LRP5: variants seen among roughly 807,000 people sequenced by gnomAD.
LRP5 encodes the protein LDL receptor related protein 5, also known as low-density lipoprotein receptor-related protein 5.
In LRP5, 62 loss-of-function variants were observed where a neutral mutation model predicts 154.1. The observed-to-expected ratio is 0.40, with a 90% CI of 0.33 to 0.50. The LOEUF (loss-of-function observed/expected upper bound fraction) is 0.50, where lower values mean the gene tolerates loss of function less well. LRP5 is among the 20% of genes least tolerant of loss of function. The pLI is 0.55. For missense variants in LRP5, 1,915 were observed against 2,336.7 expected (o/e 0.82, Z 3.72); for synonymous variants, 966 against 1,011.5 (o/e 0.96, Z 0.85).
intron 2 of LRP5, among the ~76,000 whole-genome samples, chr11:68,355,928 C>T (rs949479646): frequency 1.3e-5 from 2 of 152,072 alleles, no homozygotes; most frequent in Non-Finnish European, 2.9e-5. Context: ...CAAGCTCCGC[C>T]TCCCGGGTTC....
At chr11:68,344,021 T>C (rs931249613) in intron 1 of LRP5, among the ~76,000 whole-genome samples, 2 of 151,992 alleles carry the variant, frequency 1.3e-5, no homozygotes, top group Admixed American at 1.3e-4. Context: ...TCAGCTGGTG[T>C]TCCAGAGCAG....
At chr11:68,382,245 G>GT (rs1241141326) in intron 5 of LRP5, among the ~76,000 whole-genome samples, 2 of 152,206 alleles carry the variant, frequency 1.3e-5, no homozygotes, top group African/African-American at 4.8e-5. Flanking sequence ...CCGAGAATAG[G>GT]TTCCTCATGG....
chr11:68,308,367 T>C (rs2098585242), upstream of LRP5, among the ~76,000 whole-genome samples: 1 of 152,178 alleles, frequency 6.6e-6, no homozygotes, highest in Non-Finnish European at 1.5e-5. Flanking sequence ...GACATCCTCA[T>C]GGGCCCCTGT....
At position 68,404,952 on chromosome 11, in the gene LRP5, G is replaced by C. The variant is rs955125147; in HGVS notation, c.1801+1253G>C. ...GCCACTGCAGTCCGCAGTCCGGCCT[G>C]GGCGACAGAGCGAGACTCCGTCTCA... On this transcript the variant is annotated intron_variant, in intron 8 of 22. Coordinates refer to ENST00000294304, the MANE Select transcript of LRP5 (RefSeq NM_002335.4). 3.5e-4 allele frequency among the ~76,000 whole-genome samples: 53 copies of C among 149,544 alleles called. 1 individual carries two copies. The highest frequency in any genetic ancestry group is 2.4e-3 in the East Asian group (12 of 5,106).
chr11:68,320,508 T>G (rs1205041575), intron 1 of LRP5, among the ~76,000 whole-genome samples: 1 of 150,680 alleles, frequency 6.6e-6, no homozygotes, highest in Non-Finnish European at 1.5e-5. Context: ...CAGGCTGGAG[T>G]GCAGTGGCGC....
chr11:68,381,848 G>T (rs115407568), intron 5 of LRP5, among the ~76,000 whole-genome samples: 1,997 of 152,286 alleles, frequency 0.013, 38 homozygotes, highest in African/African-American at 0.045. Flanking sequence ...CGTGGCCATG[G>T]CTGCTGCCCG....
rs114263115 is a variant in LRP5, at chr11:68,406,438, G to A, written c.1802-86G>A. The A allele has an allele frequency of 1.9e-3, 2,615 of 1,400,718 alleles. 37 individuals carry two copies. The African/African-American group carries it at 0.03, about 16-fold the overall frequency. 86.8% of individuals were successfully genotyped at this position (1,400,718 alleles called of 1,614,324 possible). ...GGCACCCCTGAGCTGTGTGGCTCAC[G>A]GCAGCATTCATTGTGTGGCTTGGCC... On this transcript the variant is annotated intron_variant, in intron 8 of 22. Transcript: ENST00000294304.
intron 1 of LRP5, among the ~76,000 whole-genome samples, chr11:68,313,970 C>T (rs2098590967): frequency 6.6e-6 from 1 of 152,192 alleles, no homozygotes; most frequent in African/African-American, 2.4e-5. Context: ...TGTTTCACGT[C>T]CTCCTGCCTC....
Position 68,409,774 on chromosome 11 carries a change from C to T in LRP5, c.2092-140C>T. The T allele has an allele frequency of 6.9e-6, 5 of 729,552 alleles. No homozygotes were observed. In the Admixed American group the frequency reaches 1.0e-4, roughly 15 times the overall value. The allele number at this position is 729,552 out of a possible 1,614,324, so 45.2% of individuals were successfully genotyped here. A position where few individuals can be genotyped will look rare whatever the true frequency, so the allele number is the denominator to read the frequency against. ...CTAAGGCTGGAGAATCGCTTGAACC[C>T]AGGGGGCAGAGGTTGCAGTGAGCCG... is the stretch of plus-strand genomic sequence containing the variant. On this transcript the variant is annotated intron_variant, in intron 9 of 22. Coordinates refer to ENST00000294304, the MANE Select transcript of LRP5 (RefSeq NM_002335.4).
intron 1 of LRP5, among the ~76,000 whole-genome samples, chr11:68,339,638 A>G (rs192909105): frequency 7.9e-5 from 12 of 152,124 alleles, no homozygotes; most frequent in East Asian, 3.9e-4. Context: ...GAGCCACCAT[A>G]CCTGGCCATA....
rs724159825 is a variant in LRP5 at position 68,426,018 on chromosome 11, G to C, written c.3468G>C (p.Gln1156His). 6 of 1,613,052 alleles carry C rather than the reference G, an allele frequency of 3.7e-6. No homozygotes were observed. Among genetic ancestry groups the C allele is most frequent in the Non-Finnish European group, 5.1e-6 (6 of 1,180,034 alleles). Residue 1156 changes from glutamine to histidine, a missense_variant, in exon 16 of 23, where the codon CAG becomes CAC. Physicochemically the swap from Gln to His is conservative, Grantham distance 24. Around this residue, in one of 3 missense-constraint regions of LRP5, gnomAD observed 1,094 missense variants for 1,210.1 expected, o/e 0.90. Transcript: ENST00000294304. ...CCCTGGAGGACGCCAACATCGTGCA[G>C]CCTCTGGGCCTGACCATCCTTGGCA... ...RLTLEDANIV[Q>H]PLGLTILGKH... is the part of the protein sequence containing the mutation.
In LRP5 at chr11:68,365,953, T is replaced by C. The variant is rs1485443962; in HGVS notation, c.1015+251T>C. On this transcript the variant is annotated intron_variant, in intron 5 of 22. Coordinates refer to ENST00000294304, the MANE Select transcript of LRP5 (RefSeq NM_002335.4). Reference sequence around the variant, plus strand: ...CCCCAGATATTTTCCACTTTTTTACTCTCCGCCTTGGTCCTCAGGCACTTG... The same window carrying C: ...CCCCAGATATTTTCCACTTTTTTACCCTCCGCCTTGGTCCTCAGGCACTTG... Among the ~76,000 whole-genome samples, 3 of 152,150 alleles carry C rather than the reference T, an allele frequency of 2.0e-5. No homozygotes were observed. In the East Asian group the frequency reaches 5.8e-4, roughly 29 times the overall value.
At position 68,411,591 on chromosome 11, in the gene LRP5, C is replaced by G. The variant is rs774885857; in HGVS notation, c.2474C>G (p.Thr825Ser). The G allele has an allele frequency of 6.2e-7, 1 of 1,613,034 alleles. No homozygotes were observed. The highest frequency in any genetic ancestry group is 8.5e-7 in the Non-Finnish European group (1 of 1,179,770). ...DQRLYWTDLDTNMIESSNMLG... is the reference protein window; with the variant it reads ...DQRLYWTDLDSNMIESSNMLG... ...CGCCTCTACTGGACCGACCTGGACA[C>G]CAACATGATCGAGTCGTCCAACATG... The change falls in exon 11 of 23, where the codon ACC becomes AGC. Residue 825 changes from threonine to serine, a missense_variant. Thr to Ser is a moderately conservative substitution (Grantham distance 58). Transcript: ENST00000294304.
chr11:68,358,208 C>G (rs2098624809), intron 3 of LRP5, among the ~76,000 whole-genome samples: 1 of 152,068 alleles, frequency 6.6e-6, no homozygotes, highest in Non-Finnish European at 1.5e-5. Flanking sequence ...CCCCACCTCC[C>G]AGGCTCAAGC....
Position 68,365,716 on chromosome 11 carries a change from A to T in LRP5, c.1015+14A>T. On this transcript the variant is annotated intron_variant, in intron 5 of 22. Coordinates refer to ENST00000294304, the MANE Select transcript of LRP5 (RefSeq NM_002335.4). ...CGTGTAAGGCAGGTGAGGCGGTGGG[A>T]CGGGACGGGGCGGGCGGGCGGGGCG... 1.7e-5 allele frequency: 2 copies of T among 114,356 alleles called. No individual in the cohort carries two copies. The highest frequency in any genetic ancestry group is 7.5e-5 in the South Asian group (1 of 13,356). The allele number at this position is 114,356 out of a possible 1,614,324, so 7.1% of individuals were successfully genotyped here.
chr11:68,348,231 A>G lies in LRP5; in HGVS notation c.476A>G (p.Asp159Gly), dbSNP rs1340740883. The G allele has an allele frequency of 3.1e-6, 5 of 1,605,776 alleles. No individual in the cohort carries two copies. The highest frequency in any genetic ancestry group is 3.4e-6 in the Non-Finnish European group (4 of 1,179,964). Residue 159 changes from aspartate to glycine, a missense_variant, in exon 2 of 23, where the codon GAC becomes GGC. Asp to Gly is a moderately conservative substitution (Grantham distance 94). Transcript: ENST00000294304. Reference protein sequence around the residue: ...DLDQPRAIALDPAHGYMYWTD... With the variant: ...DLDQPRAIALGPAHGYMYWTD... ...GACCAGCCGAGGGCCATCGCCTTGGACCCCGCTCACGGGTAAACCCTGCTG... is the reference window on the plus strand; with the variant it reads ...GACCAGCCGAGGGCCATCGCCTTGGGCCCCGCTCACGGGTAAACCCTGCTG...
chr11:68,298,508 C>T, the LRP5 span, among the ~76,000 whole-genome samples: 3 of 152,212 alleles, frequency 2.0e-5, no homozygotes, highest in African/African-American at 7.2e-5. Context: ...CTCCCCCAAA[C>T]ATTGAGCTCT....
chr11:68,400,124 G>A (rs2098651828), intron 7 of LRP5, among the ~76,000 whole-genome samples: 1 of 152,144 alleles, frequency 6.6e-6, no homozygotes, highest in Admixed American at 6.5e-5. Flanking sequence ...CCAGCGTCTT[G>A]CGCTTGCCGA....
chr11:68,378,271 C>T (rs2098638470), intron 5 of LRP5, among the ~76,000 whole-genome samples: 1 of 152,232 alleles, frequency 6.6e-6, no homozygotes, highest in African/African-American at 2.4e-5. Flanking sequence ...AGGGTCTCCT[C>T]CTGGCTCTGG....
Sources: gnomAD v4.1 joint callset for allele counts (sites outside exome capture counted in the v4.1 genomes callset) on GRCh38, gnomAD v4.1.1 for gene constraint, gnomAD v4.1.1 regional missense constraint, MANE v1.5 for transcripts, NCBI Gene and HGNC (gene_info 2026-07-23, HGNC 2026-07-21) for gene names.